Variants in CTNNA2 observed in about 807,000 individuals in gnomAD.
CTNNA2 encodes the protein catenin alpha-2.
Under a neutral mutation model 101.0 loss-of-function variants are expected in CTNNA2, and 42 were observed. The observed-to-expected ratio is 0.42, with a 90% CI of 0.32 to 0.54. The LOEUF (loss-of-function observed/expected upper bound fraction) is 0.54. Ranked by LOEUF, CTNNA2 falls within the 20% of genes least tolerant of loss-of-function variation. The pLI is 0.14. For synonymous variants in CTNNA2, 450 were observed against 456.4 expected (o/e 0.99, Z 0.18); for missense variants, 871 against 1,223.1 (o/e 0.71, Z 4.29).
chr2:80,302,996 A>T lies in CTNNA2; in HGVS notation c.1057-90215A>T. On this transcript the variant is annotated intron_variant, in intron 7 of 18. Transcript: ENST00000402739. This position sits in a 1 kb window ranked among gnomAD's most constrained non-coding sequence, Gnocchi z 6.4. The stretch of plus-strand genomic sequence containing the variant: ...CTGCAGGTGCGGCACGGTCTCGAAC[A>T]CATGGGGCTCCATGTACTCGATCTC... 6.2e-7 allele frequency: 1 copy of T among 1,613,662 alleles called. No individual in the cohort carries two copies. The highest frequency in any genetic ancestry group is 8.5e-7 in the Non-Finnish European group (1 of 1,179,950).
chr2:80,126,372 A>G (rs1477514897), intron 7 of CTNNA2, among the ~76,000 whole-genome samples: 1 of 151,868 alleles, frequency 6.6e-6, no homozygotes, highest in Non-Finnish European at 1.5e-5. Flanking sequence ...ATAGAGTGAA[A>G]GTTAAGGGGA....
At chr2:79,343,723 GATT>G (rs71385268) in intron 3 of CTNNA2, among the ~76,000 whole-genome samples, 4,712 of 147,872 alleles carry the variant, frequency 0.032, 112 homozygotes, top group African/African-American at 0.067. Flanking sequence ...AGACACGGAC[GATT>G]ATTATTATTA....
intron 1 of CTNNA2, among the ~76,000 whole-genome samples, chr2:79,583,739 G>A (rs1321096433): frequency 1.3e-5 from 2 of 152,132 alleles, no homozygotes; most frequent in Non-Finnish European, 2.9e-5. Flanking sequence ...TAGGTATGAA[G>A]TGGTATCTCA....
At chr2:80,075,615 TAAATATA>T (rs1558783400) in intron 7 of CTNNA2, among the ~76,000 whole-genome samples, 7 of 105,688 alleles carry the variant, frequency 6.6e-5, no homozygotes, top group East Asian at 6.2e-4. Flanking sequence ...TATACATGTA[TAAATATA>T]AATATTTATA....
At chr2:79,964,426 G>A (rs1451224223) in intron 7 of CTNNA2, among the ~76,000 whole-genome samples, 1 of 151,750 alleles carries the variant, frequency 6.6e-6, no homozygotes, top group East Asian at 1.9e-4. Flanking sequence ...AAAAAGCCAA[G>A]CTGTTTATCT....
chr2:79,864,245 G>A (rs909366629), intron 4 of CTNNA2, among the ~76,000 whole-genome samples: 20 of 152,286 alleles, frequency 1.3e-4, no homozygotes, highest in Middle Eastern at 3.4e-3. Context: ...TTCAGGTCAG[G>A]CAACAGATTT....
At chr2:79,368,569 G>T (rs1008929392) in intron 3 of CTNNA2, among the ~76,000 whole-genome samples, 1 of 152,132 alleles carries the variant, frequency 6.6e-6, no homozygotes, top group East Asian at 1.9e-4. Context: ...AGACAACACT[G>T]ATGCTTCCCC....
chr2:79,221,773 A>G (rs1463016669), intron 2 of CTNNA2, among the ~76,000 whole-genome samples: 5 of 152,158 alleles, frequency 3.3e-5, no homozygotes, highest in African/African-American at 1.2e-4. Context: ...TAGGCAACCC[A>G]GTCACAGATA....
intron 7 of CTNNA2, among the ~76,000 whole-genome samples, chr2:80,161,391 A>T (rs1470921475): frequency 1.3e-5 from 2 of 152,150 alleles, no homozygotes; most frequent in East Asian, 3.8e-4. Context: ...TGTGGTATTA[A>T]AAAGGATCCT....
At chr2:80,415,397 G>C (rs1679951611) in intron 8 of CTNNA2, among the ~76,000 whole-genome samples, 1 of 152,114 alleles carries the variant, frequency 6.6e-6, no homozygotes, top group Non-Finnish European at 1.5e-5. Context: ...CTTTCTCCAT[G>C]AAGCTCTGTT....
intron 2 of CTNNA2, among the ~76,000 whole-genome samples, chr2:79,245,150 C>A (rs1266737794): frequency 6.6e-6 from 1 of 151,548 alleles, no homozygotes; most frequent in Non-Finnish European, 1.5e-5. Context: ...GGATTTCTTT[C>A]CTTAAAGAAA....
intron 3 of CTNNA2, among the ~76,000 whole-genome samples, chr2:79,762,659 T>G (rs1672872619): frequency 6.6e-6 from 1 of 152,222 alleles, no homozygotes; most frequent in Non-Finnish European, 1.5e-5. Flanking sequence ...ATCTTTCAAT[T>G]CATGTTTATA....
chr2:79,907,354 CAT>C (rs200638780), intron 6 of CTNNA2, among the ~76,000 whole-genome samples: 46 of 151,816 alleles, frequency 3.0e-4, no homozygotes, highest in African/African-American at 5.1e-4. Context: ...CACACACATA[CAT>C]ATATACATAT....
chr2:79,571,686 C>T (rs779319778), intron 1 of CTNNA2, among the ~76,000 whole-genome samples: 3 of 152,166 alleles, frequency 2.0e-5, no homozygotes, highest in Non-Finnish European at 2.9e-5. Flanking sequence ...CCATAGCCTG[C>T]AGGATACAGT....
intron 7 of CTNNA2, among the ~76,000 whole-genome samples, chr2:80,263,000 G>A (rs556039851): frequency 1.3e-5 from 2 of 151,970 alleles, no homozygotes; most frequent in Non-Finnish European, 2.9e-5. Context: ...GTGCCAGAAC[G>A]GAATTATGTA....
chr2:79,973,427 C>CT (rs751462127), intron 7 of CTNNA2, among the ~76,000 whole-genome samples: 7 of 152,072 alleles, frequency 4.6e-5, no homozygotes, highest in Non-Finnish European at 1.0e-4. Flanking sequence ...ATTATTATCA[C>CT]TTCCATGTAG....
chr2:79,393,630 A>AG (rs1317638740), intron 4 of CTNNA2, among the ~76,000 whole-genome samples: 1 of 123,252 alleles, frequency 8.1e-6, no homozygotes, highest in Non-Finnish European at 1.5e-5. Context: ...TTCACAGAGA[A>AG]AAAAAAAAAA....
At chr2:80,488,869 A>G (rs1686805732) in intron 9 of CTNNA2, among the ~76,000 whole-genome samples, 1 of 152,214 alleles carries the variant, frequency 6.6e-6, no homozygotes, top group African/African-American at 2.4e-5. Flanking sequence ...GAGGAATCCA[A>G]TTCACCATCA....
intron 1 of CTNNA2, among the ~76,000 whole-genome samples, chr2:79,590,215 A>G (rs1676758224): frequency 6.6e-6 from 1 of 152,176 alleles, no homozygotes; most frequent in South Asian, 2.1e-4. Context: ...ACTTTGCTGA[A>G]ACATGTATAC....
Sources: gnomAD v4.1 joint callset for allele counts (sites outside exome capture counted in the v4.1 genomes callset) on GRCh38, gnomAD v4.1.1 for gene constraint, Gnocchi (gnomAD v3.1) non-coding constraint, MANE v1.5 for transcripts, NCBI Gene and HGNC (gene_info 2026-07-23, HGNC 2026-07-21) for gene names.